The following GYG2 variants were observed in gnomAD, a reference collection of about 807,000 sequenced individuals.
GYG2 encodes glycogenin 2, also known as glycogenin-2.
A neutral mutation model predicts 29.4 loss-of-function variants in GYG2; 29 were observed. The observed-to-expected ratio is 0.99, with a 90% confidence interval of 0.74 to 1.35. The LOEUF is 1.35. GYG2 is among the 40% of genes most tolerant of loss of function. The probability of loss-of-function intolerance (pLI) is 0.00; values close to 1 mark genes in which losing one functional copy is unlikely to be tolerated. For synonymous variants in GYG2, 167 were observed against 172.3 expected (o/e 0.97, Z 0.24); for missense variants, 370 against 385.7 (o/e 0.96, Z 0.34).
rs142907396 is a variant in GYG2 at position 2,856,719 on chromosome X, C to CTCTA, written c.614+110_614+113dup. On this transcript the variant is annotated intron_variant, in intron 6 of 10. Transcript: ENST00000398806. Reference sequence around the variant, plus strand: ...TACCAGCTGTCGGCATATTTAAAAACTCTATCTATCTATCTATCATCTATC... The same window carrying CTCTA: ...TACCAGCTGTCGGCATATTTAAAAACTCTATCTATCTATCTATCTATCATCTATC... The CTCTA allele has an allele frequency of 1.5e-3, 686 of 470,468 alleles. 1 individual carries two copies. Among genetic ancestry groups the CTCTA allele is most frequent in the Middle Eastern group, 2.0e-3 (3 of 1,535 alleles). The allele number at this position is 470,468 out of a possible 1,213,427, so 38.8% of individuals were successfully genotyped here. A position where few individuals can be genotyped will look rare whatever the true frequency, so the allele number is the denominator to read the frequency against.
intron 1 of GYG2, among the ~76,000 whole-genome samples, chrX:2,829,556 G>A (rs1194498573): frequency 4.1e-5 from 4 of 97,439 alleles, no homozygotes; most frequent in Non-Finnish European, 8.4e-5. Context: ...CCGGGGGGCT[G>A]CACTGGAGTG....
intron 9 of GYG2, 85 bp downstream of exon 9, chrX:2,875,999 A>T: frequency 5.4e-6 from 2 of 367,682 alleles, no homozygotes; most frequent in Non-Finnish European, 8.9e-6. Context: ...ATTACATACC[A>T]GTGGGGGCGC....
intron 8 of GYG2, among the ~76,000 whole-genome samples, chrX:2,872,967 C>A (rs1270789389): frequency 8.9e-6 from 1 of 112,047 alleles, no homozygotes; most frequent in East Asian, 2.8e-4. Flanking sequence ...TTATTGCATT[C>A]GTCATTTTTT....
rs2087188393 is a variant in GYG2 at position 2,828,941 on chromosome X, C to G, written c.-163C>G. The G allele has an allele frequency of 1.8e-5, 2 of 110,306 alleles. No homozygotes were observed. The highest frequency in any genetic ancestry group is 3.8e-5 in the Non-Finnish European group (2 of 52,498). The allele number at this position is 110,306 out of a possible 1,213,427, so 9.1% of individuals were successfully genotyped here. ...TCGCTGCCCTCGGGGCCTCCAGCGC[C>G]GGCTCTGGGCCGAGGCAGCCAGAGC... On this transcript the variant is annotated 5_prime_UTR_variant, in exon 1 of 11. Transcript: ENST00000398806.
chrX:2,833,891 G>T (rs2087318553), intron 2 of GYG2, among the ~76,000 whole-genome samples: 1 of 112,603 alleles, frequency 8.9e-6, no homozygotes, highest in African/African-American at 3.2e-5. Flanking sequence ...CAATTCACTT[G>T]CATCATCCTT....
At chrX:2,837,946 A>G (rs2087413878) in intron 2 of GYG2, among the ~76,000 whole-genome samples, 1 of 109,758 alleles carries the variant, frequency 9.1e-6, no homozygotes, top group Non-Finnish European at 1.9e-5. Flanking sequence ...TGGCACAATT[A>G]TATCTCACTG....
chrX:2,843,003 G>A (rs2087538839), intron 2 of GYG2: 1 of 474,608 alleles, frequency 2.1e-6, no homozygotes, highest in Admixed American at 2.9e-5. Flanking sequence ...CGTAGAGACA[G>A]AGTTTCACCA....
chrX:2,876,835 G>T (rs1201436571), intron 9 of GYG2, among the ~76,000 whole-genome samples: 2 of 110,227 alleles, frequency 1.8e-5, no homozygotes, highest in African/African-American at 6.6e-5. Flanking sequence ...TGTAGTCCCA[G>T]CTACTCCGGA....
chrX:2,857,946 C>A (rs2088060047), intron 6 of GYG2, among the ~76,000 whole-genome samples: 1 of 111,018 alleles, frequency 9.0e-6, no homozygotes, highest in African/African-American at 3.3e-5. Flanking sequence ...AAGGTAATAC[C>A]CTGAACACAG....
At chrX:2,850,082 A>G (rs1359046239) in intron 3 of GYG2, among the ~76,000 whole-genome samples, 2 of 110,480 alleles carry the variant, frequency 1.8e-5, no homozygotes, top group Non-Finnish European at 3.8e-5. Flanking sequence ...ACACCACTGC[A>G]CTCCAGCCTG....
Position 2,830,149 on chromosome X carries a change from G to T in GYG2, c.-40G>T, listed in dbSNP as rs751788188. 2.5e-6 allele frequency: 3 copies of T among 1,198,310 alleles called. No individual in the cohort carries two copies. The highest frequency in any genetic ancestry group is 3.4e-6 in the Non-Finnish European group (3 of 884,218). Reference sequence around the variant, plus strand: ...GTCCACCCACTGCTCCCGGGCGCAGGTCTGCAGGTCCGCGCCCACTGCCCG... The same window carrying T: ...GTCCACCCACTGCTCCCGGGCGCAGTTCTGCAGGTCCGCGCCCACTGCCCG... On this transcript the variant is annotated 5_prime_UTR_variant, in exon 2 of 11. Transcript: ENST00000398806.
intron 3 of GYG2, among the ~76,000 whole-genome samples, chrX:2,851,362 C>T (rs970536539): frequency 9.0e-6 from 1 of 111,667 alleles, no homozygotes; most frequent in African/African-American, 3.3e-5. Flanking sequence ...TCTCATGCCT[C>T]AGCCTCCAGA....
At chrX:2,847,217 C>A (rs761831610) in intron 3 of GYG2, among the ~76,000 whole-genome samples, 1 of 110,901 alleles carries the variant, frequency 9.0e-6, no homozygotes, top group Non-Finnish European at 1.9e-5. Flanking sequence ...AGAAAGCCCT[C>A]AAATACAGGA....
intron 3 of GYG2, among the ~76,000 whole-genome samples, chrX:2,849,441 A>G (rs1408024086): frequency 8.9e-6 from 1 of 111,988 alleles, no homozygotes; most frequent in Non-Finnish European, 1.9e-5. Context: ...ATAGGAGAGA[A>G]AGAAAAAGAA....
chrX:2,848,547 G>GA (rs10689220), intron 3 of GYG2, among the ~76,000 whole-genome samples: 3,269 of 99,197 alleles, frequency 0.033, 145 homozygotes, highest in African/African-American at 0.11. Flanking sequence ...AAAAAGAAGG[G>GA]AAAAAAAAAA....
In GYG2 at chrX:2,846,053, ATATTTTTTTTTTTTTTTT is replaced by A. The variant is rs1455311453; in HGVS notation, c.149+2701_149+2718del. ...TATATACACATATATATATATATAT[ATATTTTTTTTTTTTTTTT>A]TTTTTTTTTTTTTGAGACAGAGTCT... On this transcript the variant is annotated intron_variant, in intron 3 of 10. Transcript: ENST00000398806. 6.3e-4 allele frequency among the ~76,000 whole-genome samples: 19 copies of A among 29,964 alleles called. 1 individual carries two copies. Among genetic ancestry groups the A allele is most frequent in the East Asian group, 5.0e-3 (4 of 795 alleles). 26.0% of individuals were successfully genotyped at this position (29,964 alleles called of 115,157 possible).
intron 8 of GYG2, among the ~76,000 whole-genome samples, chrX:2,867,735 T>C (rs2088332411): frequency 8.9e-6 from 1 of 112,136 alleles, no homozygotes; most frequent in Non-Finnish European, 1.9e-5. Flanking sequence ...TAAATACAGA[T>C]GCTCTTCGAT....
chrX:2,879,704 G>C (rs2088675855), intron 10 of GYG2, among the ~76,000 whole-genome samples: 1 of 112,393 alleles, frequency 8.9e-6, no homozygotes, highest in Admixed American at 9.5e-5. Context: ...AGTGATAGAT[G>C]ATAGATAGGT....
intron 4 of GYG2, 81 bp downstream of exon 4, chrX:2,854,235 TG>T: frequency 1.3e-5 from 9 of 687,548 alleles, no homozygotes; most frequent in South Asian, 2.7e-5. Flanking sequence ...CTTTTTTTTG[TG>T]TGTGTGTGAC....
Sources: allele counts gnomAD v4.1 joint callset (sites outside exome capture counted in the v4.1 genomes callset), GRCh38; gene constraint gnomAD v4.1.1; transcripts MANE v1.5; gene names NCBI Gene and HGNC (gene_info 2026-07-23, HGNC 2026-07-21).